RYR3: variants seen among roughly 807,000 people sequenced by gnomAD.
The protein encoded by RYR3 is brain ryanodine receptor-calcium release channel.
RYR3 carries 207 observed loss-of-function variants against 584.3 expected under a neutral mutation model. The observed-to-expected ratio is 0.35, with a 90% confidence interval of 0.32 to 0.40. RYR3 has a LOEUF of 0.40. RYR3 is among the 10% of genes least tolerant of loss of function. The pLI is 1.00. For synonymous variants in RYR3, 2,416 were observed against 2,248.5 expected, an observed-to-expected ratio of 1.07 and a Z score of -2.11; for missense variants, 5,616 against 6,089.2, an observed-to-expected ratio of 0.92 and a Z score of 2.59.
intron 1 of RYR3, among the ~76,000 whole-genome samples, chr15:33,427,494 A>AT (rs895275378): frequency 8.5e-5 from 13 of 152,160 alleles, no homozygotes; most frequent in Admixed American, 4.6e-4. Flanking sequence ...TCACAACTAC[A>AT]TTTTTTTGTG....
Position 33,756,312 on chromosome 15 carries a change from T to C in RYR3, c.8522T>C (p.Ile2841Thr), listed in dbSNP as rs2152859454. Residue 2841 changes from isoleucine (I) to threonine (T), a missense_variant, in exon 59 of 104, where the codon ATT becomes ACT. By Grantham distance (89) the Ile-to-Thr change is moderately conservative. Transcript: ENST00000634891. Reference sequence around the variant, plus strand: ...GTTACCTGTGTCTTCGTAGAAGCCATTGTCAGCAGTGGGAAAACTGAAAAG... The same window carrying C: ...GTTACCTGTGTCTTCGTAGAAGCCACTGTCAGCAGTGGGAAAACTGAAAAG... ...AQEFIAHLEA[I>T]VSSGKTEKSP... 1 of 1,576,680 alleles carries C rather than the reference T, an allele frequency of 6.3e-7. No homozygotes were observed. Among genetic ancestry groups the C allele is most frequent in the Non-Finnish European group, 8.6e-7 (1 of 1,160,088 alleles).
chr15:33,781,733 A>G (rs898250289), intron 65 of RYR3, among the ~76,000 whole-genome samples: 2 of 152,134 alleles, frequency 1.3e-5, no homozygotes, highest in South Asian at 4.2e-4. Flanking sequence ...GAGGTAGTCA[A>G]GAGAAACATT....
At chr15:33,395,233 A>G (rs2042230156) in intron 1 of RYR3, among the ~76,000 whole-genome samples, 1 of 152,240 alleles carries the variant, frequency 6.6e-6, no homozygotes, top group African/African-American at 2.4e-5. Context: ...GTGACTTTTC[A>G]TATCAGTCAC....
chr15:33,777,931 A>G (rs978508972), intron 64 of RYR3, among the ~76,000 whole-genome samples: 7 of 152,102 alleles, frequency 4.6e-5, no homozygotes, highest in Non-Finnish European at 1.0e-4. Context: ...GCACTTTGGG[A>G]GGCAGAGGCG....
intron 69 of RYR3, among the ~76,000 whole-genome samples, chr15:33,805,514 G>A (rs1460023529): frequency 7.2e-6 from 1 of 138,480 alleles, no homozygotes; most frequent in East Asian, 2.1e-4. Context: ...GTCCTGCTCT[G>A]TCGCCCAGGC....
At chr15:33,754,727 G>A (rs919464637) in intron 57 of RYR3, among the ~76,000 whole-genome samples, 7 of 151,888 alleles carry the variant, frequency 4.6e-5, no homozygotes, top group Non-Finnish European at 8.8e-5. Context: ...TTCACAAAAT[G>A]TGTTAACTTC....
intron 20 of RYR3, among the ~76,000 whole-genome samples, chr15:33,625,499 AG>A (rs1255059639): frequency 1.3e-5 from 2 of 152,126 alleles, no homozygotes; most frequent in Non-Finnish European, 2.9e-5. Flanking sequence ...TCTAGATGTC[AG>A]GGAGGAAAAA....
At chr15:33,620,262 T>G (rs958621576) in intron 19 of RYR3, among the ~76,000 whole-genome samples, 7 of 152,060 alleles carry the variant, frequency 4.6e-5, no homozygotes, top group Non-Finnish European at 8.8e-5. Context: ...CTCAGTAAAC[T>G]CCAGAGGACA....
chr15:33,464,952 T>C (rs1056172371), intron 1 of RYR3, among the ~76,000 whole-genome samples: 1 of 152,198 alleles, frequency 6.6e-6, no homozygotes, highest in Non-Finnish European at 1.5e-5. Context: ...AATTTGACTA[T>C]TTAAGATCCC....
chr15:33,407,091 G>T (rs755488717), intron 1 of RYR3, among the ~76,000 whole-genome samples: 2 of 152,186 alleles, frequency 1.3e-5, no homozygotes, highest in Admixed American at 6.5e-5. Context: ...GTGTCTACAC[G>T]TGGTGGAAGG....
At chr15:33,556,981 C>G (rs1383845213) in intron 10 of RYR3, among the ~76,000 whole-genome samples, 5 of 152,102 alleles carry the variant, frequency 3.3e-5, no homozygotes, top group Non-Finnish European at 7.4e-5. Context: ...TATATGTTTT[C>G]AACTTTTTCT....
chr15:33,758,374 A>G (rs1047212142), intron 60 of RYR3, among the ~76,000 whole-genome samples: 2 of 152,190 alleles, frequency 1.3e-5, no homozygotes, highest in Admixed American at 6.5e-5. Context: ...ATGGAGCCCA[A>G]CAAGTGAAGA....
chr15:33,659,375 C>G (rs909901070), intron 32 of RYR3, among the ~76,000 whole-genome samples: 2 of 152,242 alleles, frequency 1.3e-5, no homozygotes, highest in Admixed American at 6.5e-5. Context: ...AGAGCAAGCA[C>G]ATCACACTGT....
chr15:33,591,030 GGAGTGTGTT>G (rs1303691085), intron 16 of RYR3, among the ~76,000 whole-genome samples: 1 of 152,144 alleles, frequency 6.6e-6, no homozygotes. Context: ...GAAAAAGACA[GGAGTGTGTT>G]GCAGTGCCCA....
chr15:33,692,463 T>C (rs1465809976), intron 38 of RYR3, among the ~76,000 whole-genome samples: 2 of 152,168 alleles, frequency 1.3e-5, no homozygotes, highest in African/African-American at 4.8e-5. Flanking sequence ...CTTTTCATAG[T>C]TATTGTTTCT....
chr15:33,694,434 C>T (rs998820801), intron 38 of RYR3, among the ~76,000 whole-genome samples: 3 of 151,930 alleles, frequency 2.0e-5, no homozygotes, highest in Admixed American at 6.6e-5. Context: ...TTAGTAGAGA[C>T]GGGGTTTCAC....
chr15:33,754,284 G>A (rs1202503394), intron 57 of RYR3, among the ~76,000 whole-genome samples: 1 of 152,134 alleles, frequency 6.6e-6, no homozygotes, highest in East Asian at 1.9e-4. Context: ...CTGTTATGAT[G>A]CAAGTCATGT....
At position 33,344,953 on chromosome 15, in the gene RYR3, A is replaced by C. The variant is rs185166782; in HGVS notation, c.51+33857A>C. Among the ~76,000 whole-genome samples the C allele has an allele frequency of 1.4e-3, 209 of 152,314 alleles. 1 individual carries two copies. The highest frequency in any genetic ancestry group is 2.6e-3 in the Non-Finnish European group (177 of 68,030). ...TTTGTTGCTGAAATCCACTTTCCCA[A>C]TTCTCCCACATTTTGCAGGTAGGAA... On this transcript the variant is annotated intron_variant, in intron 1 of 103. Transcript: ENST00000634891.
chr15:33,821,746 T>C (rs931656494), intron 80 of RYR3, 144 bp downstream of exon 80: 14 of 703,414 alleles, frequency 2.0e-5, no homozygotes, highest in Admixed American at 4.7e-5. Context: ...TGGCCAGTTA[T>C]ATCAGAGTAG....
Sources: allele counts gnomAD v4.1 joint callset (sites outside exome capture counted in the v4.1 genomes callset), GRCh38; gene constraint gnomAD v4.1.1; transcripts MANE v1.5; gene names NCBI Gene and HGNC (gene_info 2026-07-23, HGNC 2026-07-21).